RMP64: variants seen among roughly 807,000 people sequenced by gnomAD.
RMP64 encodes ribonuclease MRP subunit p64.
the RMP64 span, chr3:113,003,423 G>A: frequency 6.6e-6 from 1 of 152,082 alleles, no homozygotes; most frequent in Non-Finnish European, 1.5e-5. Flanking sequence ...TTACAGTTTG[G>A]TATACTTTAG....
At chr3:113,011,707 A>G in the RMP64 span, among the ~76,000 whole-genome samples, 101 of 152,320 alleles carry the variant, frequency 6.6e-4, no homozygotes, top group Non-Finnish European at 1.2e-3. Flanking sequence ...AGTGTGGTAG[A>G]TGGTGAGATT....
the RMP64 span, among the ~76,000 whole-genome samples, chr3:113,009,106 CTA>C: frequency 6.6e-6 from 1 of 152,172 alleles, no homozygotes; most frequent in Non-Finnish European, 1.5e-5. Context: ...TGCTGAATAT[CTA>C]TTAAAAATGC....
the RMP64 span, chr3:113,008,672 A>G: frequency 3.0e-6 from 1 of 336,916 alleles, no homozygotes; most frequent in Non-Finnish European, 5.4e-6. Flanking sequence ...AATTAAAAAA[A>G]AAAAATCAGT....
At chr3:113,005,216 A>G in the RMP64 span, 1 of 324,840 alleles carries the variant, frequency 3.1e-6, no homozygotes, top group Non-Finnish European at 5.8e-6. Context: ...TAAATTGCCT[A>G]GTAAGTCATA....
the RMP64 span, chr3:113,011,134 C>A: frequency 5.0e-6 from 8 of 1,612,722 alleles, no homozygotes; most frequent in Non-Finnish European, 6.8e-6. Flanking sequence ...TTTTGAAATT[C>A]CAAGCAAGGT....
At chr3:113,008,148 C>T in the RMP64 span, 5 of 1,598,334 alleles carry the variant, frequency 3.1e-6, no homozygotes, top group African/African-American at 4.0e-5. Context: ...AGTAAAGTAA[C>T]ATAATTTTTG....
chr3:113,015,477 A>C, the RMP64 span, among the ~76,000 whole-genome samples: 1 of 152,136 alleles, frequency 6.6e-6, no homozygotes, highest in African/African-American at 2.4e-5. Flanking sequence ...AATATTTTAC[A>C]TGTCTTCCTA....
the RMP64 span, chr3:113,008,104 C>G: frequency 5.5e-6 from 8 of 1,442,806 alleles, no homozygotes; most frequent in East Asian, 1.8e-4. Context: ...AGAAAAGTGA[C>G]CTGAATACTT....
At chr3:113,014,227 TCCAG>T in the RMP64 span, 1 of 484,944 alleles carries the variant, frequency 2.1e-6, no homozygotes, top group Non-Finnish European at 3.7e-6. Context: ...TTGGAATTTA[TCCAG>T]CCAAACACAT....
At chr3:113,018,362 C>G in the RMP64 span, among the ~76,000 whole-genome samples, 1 of 152,102 alleles carries the variant, frequency 6.6e-6, no homozygotes, top group African/African-American at 2.4e-5. Flanking sequence ...TGGTGAATTT[C>G]CCAGGCCTAA....
the RMP64 span, chr3:113,004,622 ATACC>A: frequency 1.3e-5 from 2 of 152,224 alleles, no homozygotes; most frequent in Non-Finnish European, 2.9e-5. Context: ...CATTGGAAAG[ATACC>A]TACCTCAAAC....
chr3:113,013,469 T>G, the RMP64 span: 19 of 1,419,188 alleles, frequency 1.3e-5, 2 homozygotes, highest in Middle Eastern at 5.5e-4. Flanking sequence ...TTTGTTTTTT[T>G]TTTTTTTACA....
At chr3:113,017,337 G>T in the RMP64 span, 1 of 896,768 alleles carries the variant, frequency 1.1e-6, no homozygotes, top group Non-Finnish European at 1.7e-6. Context: ...TAAAACACAA[G>T]TAATTTACTG....
At chr3:113,014,086 C>T in the RMP64 span, 178 of 1,068,732 alleles carry the variant, frequency 1.7e-4, no homozygotes, top group Non-Finnish European at 2.4e-4. Context: ...GACAGGGTCA[C>T]TGATTATGAC....
chr3:113,014,056 A>C, the RMP64 span: 2 of 1,463,798 alleles, frequency 1.4e-6, no homozygotes, highest in African/African-American at 2.8e-5. Context: ...AGCAGTTCAA[A>C]TTCATGTGTA....
the RMP64 span, among the ~76,000 whole-genome samples, chr3:113,017,055 A>T: frequency 5.1e-4 from 77 of 152,306 alleles, 1 homozygote; most frequent in East Asian, 3.9e-4. Flanking sequence ...AAGTTTTTTT[A>T]AAAATAATTT....
chr3:113,009,783 T>G, the RMP64 span, among the ~76,000 whole-genome samples: 2 of 152,124 alleles, frequency 1.3e-5, no homozygotes, highest in Admixed American at 1.3e-4. Context: ...TTCATGCATA[T>G]AAAAGCACTT....
At chr3:113,005,179 G>C in the RMP64 span, 1 of 275,766 alleles carries the variant, frequency 3.6e-6, no homozygotes, top group Non-Finnish European at 7.0e-6. Flanking sequence ...TTTACCTCAA[G>C]ACACAATGGT....
the RMP64 span, chr3:113,004,425 G>GCAGA: frequency 6.6e-6 from 1 of 152,180 alleles, no homozygotes; most frequent in South Asian, 2.1e-4. Context: ...AATGGAGAAG[G>GCAGA]CAGACAGGGA....
Sources: allele counts gnomAD v4.1 joint callset (sites outside exome capture counted in the v4.1 genomes callset), GRCh38; gene constraint gnomAD v4.1.1; transcripts MANE v1.5; gene names NCBI Gene and HGNC (gene_info 2026-07-23, HGNC 2026-07-21).